The following GRID1 variants were observed in gnomAD, a reference collection of about 807,000 sequenced individuals.
GRID1 encodes the protein glutamate receptor ionotropic, delta-1.
Under a neutral mutation model 98.0 loss-of-function variants are expected in GRID1, and 28 were observed. That is an observed-to-expected ratio of 0.29 (90% CI 0.21 to 0.39). GRID1 has a LOEUF of 0.39. Among genes scored for constraint, GRID1 ranks in the 10% least tolerant of loss-of-function variants. GRID1 has a pLI of 1.00. For synonymous variants in GRID1, 553 were observed against 538.5 expected (o/e 1.03, Z -0.37); for missense variants, 1,111 against 1,340.5 (o/e 0.83, Z 2.67).
intron 5 of GRID1, among the ~76,000 whole-genome samples, chr10:85,908,263 T>A (rs969573290): frequency 6.6e-6 from 1 of 152,156 alleles, no homozygotes; most frequent in Non-Finnish European, 1.5e-5. Flanking sequence ...GACATGATAG[T>A]CAAGAATATT....
At chr10:85,894,341 C>T (rs528697718) in intron 5 of GRID1, among the ~76,000 whole-genome samples, 7 of 152,178 alleles carry the variant, frequency 4.6e-5, no homozygotes, top group South Asian at 2.1e-4. Flanking sequence ...CAACAACATG[C>T]GTGTGTCTCA....
At chr10:85,810,740 C>T (rs1281126938) in intron 8 of GRID1, among the ~76,000 whole-genome samples, 8 of 152,112 alleles carry the variant, frequency 5.3e-5, no homozygotes, top group Non-Finnish European at 1.0e-4. Flanking sequence ...GTGGACCTGC[C>T]CCAGGCAGAC....
chr10:85,615,832 G>A (rs1225279509), intron 14 of GRID1, among the ~76,000 whole-genome samples: 1 of 152,180 alleles, frequency 6.6e-6, no homozygotes, highest in Non-Finnish European at 1.5e-5. Flanking sequence ...GCAGTTGCAG[G>A]AACCTCAGGG....
At chr10:85,627,794 TGTACCTG>T (rs1260495853) in intron 13 of GRID1, among the ~76,000 whole-genome samples, 1 of 152,216 alleles carries the variant, frequency 6.6e-6, no homozygotes, top group African/African-American at 2.4e-5. Flanking sequence ...GGCAAAACAC[TGTACCTG>T]GTACAGCATG....
chr10:86,081,512 A>G (rs1843978266), intron 4 of GRID1, among the ~76,000 whole-genome samples: 1 of 152,240 alleles, frequency 6.6e-6, no homozygotes, highest in Non-Finnish European at 1.5e-5. Context: ...GTGAATGCAC[A>G]GATCAGCTCT....
intron 8 of GRID1, among the ~76,000 whole-genome samples, chr10:85,852,494 G>A (rs947035193): frequency 3.3e-5 from 5 of 152,208 alleles, no homozygotes; most frequent in African/African-American, 1.2e-4. Flanking sequence ...CTTGAGACAA[G>A]GCAGGGACCT....
intron 8 of GRID1, among the ~76,000 whole-genome samples, chr10:85,806,086 C>A (rs562701408): frequency 6.6e-6 from 1 of 150,722 alleles, no homozygotes. Flanking sequence ...TGAATGGTAT[C>A]CAGAATATTG....
rs577888339 is a variant in GRID1 at position 85,919,069 on chromosome 10, TGAGAGCC to T, written c.727-2837_727-2831del. On this transcript the variant is annotated intron_variant, in intron 4 of 15. Transcript: ENST00000327946. ...GACCCTGCCTCTTGGCTTCAGGGGC[TGAGAGCC>T]CTGCTTCAGAATATGTAGTTCTGTG... Among the ~76,000 whole-genome samples the T allele has an allele frequency of 2.8e-3, 424 of 152,346 alleles. 1 individual carries two copies. The highest frequency in any genetic ancestry group is 9.6e-3 in the African/African-American group (398 of 41,584).
intron 8 of GRID1, among the ~76,000 whole-genome samples, chr10:85,788,760 C>A (rs1842452712): frequency 6.6e-6 from 1 of 152,210 alleles, no homozygotes; most frequent in South Asian, 2.1e-4. Context: ...CTGGAGCTGA[C>A]CTCTAGCAAC....
At chr10:86,295,147 C>A (rs1280444233) in intron 2 of GRID1, among the ~76,000 whole-genome samples, 2 of 152,136 alleles carry the variant, frequency 1.3e-5, no homozygotes, top group Non-Finnish European at 2.9e-5. Flanking sequence ...TCAAGAGCTT[C>A]GCTGTAAGTG....
intron 2 of GRID1, among the ~76,000 whole-genome samples, chr10:86,278,260 T>C (rs985192162): frequency 7.9e-5 from 12 of 152,156 alleles, no homozygotes; most frequent in Non-Finnish European, 1.5e-4. Context: ...GTGGCTATAA[T>C]ACTATTTTTT....
chr10:86,251,666 T>A (rs1297669142), intron 2 of GRID1, among the ~76,000 whole-genome samples: 1 of 152,048 alleles, frequency 6.6e-6, no homozygotes, highest in Non-Finnish European at 1.5e-5. Context: ...TCCAAAGTTG[T>A]CACACTTCAG....
At chr10:85,644,787 C>T (rs1302909130) in intron 13 of GRID1, among the ~76,000 whole-genome samples, 1 of 152,212 alleles carries the variant, frequency 6.6e-6, no homozygotes, top group Non-Finnish European at 1.5e-5. Context: ...ACACCCCCAT[C>T]AGCAATTAAC....
At chr10:86,294,902 G>T (rs1847565473) in intron 2 of GRID1, among the ~76,000 whole-genome samples, 1 of 152,164 alleles carries the variant, frequency 6.6e-6, no homozygotes, top group African/African-American at 2.4e-5. Flanking sequence ...GACTAGGAAG[G>T]TGCACCCGCC....
chr10:86,064,289 G>A (rs2131915690), intron 4 of GRID1, among the ~76,000 whole-genome samples: 1 of 152,360 alleles, frequency 6.6e-6, no homozygotes, highest in Non-Finnish European at 1.5e-5. Flanking sequence ...GACCCAGCCT[G>A]AGTCTGTCTG....
At chr10:85,814,726 A>G (rs1238080548) in intron 8 of GRID1, among the ~76,000 whole-genome samples, 1 of 151,988 alleles carries the variant, frequency 6.6e-6, no homozygotes, top group African/African-American at 2.4e-5. Context: ...ACTATAAACT[A>G]CTTAAGAAGA....
chr10:86,018,126 A>T (rs779035552), intron 4 of GRID1, among the ~76,000 whole-genome samples: 1 of 152,224 alleles, frequency 6.6e-6, no homozygotes, highest in African/African-American at 2.4e-5. Context: ...AACAGTTCAC[A>T]TCCAACAGGG....
At chr10:85,611,383 G>C (rs921824748) in intron 15 of GRID1, among the ~76,000 whole-genome samples, 3 of 152,282 alleles carry the variant, frequency 2.0e-5, no homozygotes, top group African/African-American at 7.2e-5. Context: ...GCTAGAGGCT[G>C]GGGCTGAGCC....
rs558887029 is a variant in GRID1 at position 86,031,630 on chromosome 10, C to G, written c.726+107189G>C. Among the ~76,000 whole-genome samples, 19 of 152,152 alleles carry G rather than the reference C, an allele frequency of 1.2e-4. No homozygotes were observed. In the East Asian group the frequency reaches 2.1e-3, roughly 17 times the overall value. On this transcript the variant is annotated intron_variant, in intron 4 of 15. Coordinates refer to ENST00000327946, the MANE Select transcript of GRID1 (RefSeq NM_017551.3). ...TGTTTAGGTTTTCCACCTCTGCCCC[C>G]CCTCATCAAAGCCCCTACCACCTCT...
Sources: gnomAD v4.1 joint callset for allele counts (sites outside exome capture counted in the v4.1 genomes callset) on GRCh38, gnomAD v4.1.1 for gene constraint, MANE v1.5 for transcripts, NCBI Gene and HGNC (gene_info 2026-07-23, HGNC 2026-07-21) for gene names.